The following IGF2BP2 variants were observed in gnomAD, a reference collection of about 807,000 sequenced individuals.
IGF2BP2 encodes the protein insulin-like growth factor 2 mRNA-binding protein 2.
In IGF2BP2, 17 loss-of-function variants were observed where a neutral mutation model predicts 75.8. The observed-to-expected ratio is 0.22, with a 90% CI of 0.15 to 0.34. The LOEUF is 0.34. Ranked by LOEUF, IGF2BP2 falls within the 10% of genes least tolerant of loss-of-function variation. The pLI is 1.00. For synonymous variants in IGF2BP2, 288 were observed against 295.6 expected, an observed-to-expected ratio of 0.97 and a Z score of 0.26; for missense variants, 516 against 772.4, an observed-to-expected ratio of 0.67 and a Z score of 3.93.
chr3:185,689,967 C>A (rs1356435665), intron 5 of IGF2BP2, among the ~76,000 whole-genome samples: 8 of 118,192 alleles, frequency 6.8e-5, no homozygotes, highest in East Asian at 2.4e-4. Flanking sequence ...GACTCCGTCT[C>A]AAAAAAAAAA....
At chr3:185,718,968 G>A (rs1726095188) in intron 2 of IGF2BP2, among the ~76,000 whole-genome samples, 2 of 152,180 alleles carry the variant, frequency 1.3e-5, no homozygotes, top group Non-Finnish European at 2.9e-5. Context: ...GGAAGCCACA[G>A]ACCCAAATCA....
intron 2 of IGF2BP2, among the ~76,000 whole-genome samples, chr3:185,753,894 CAAGATCTGGTTGTTTAA>C (rs1344308019): frequency 6.6e-6 from 1 of 152,022 alleles, no homozygotes; most frequent in Non-Finnish European, 1.5e-5. Flanking sequence ...TTAGTGCATG[CAAGATCTGGTTGTTTAA>C]AAGAGTCTGA....
chr3:185,731,885 G>C (rs1728238204), intron 2 of IGF2BP2, among the ~76,000 whole-genome samples: 1 of 152,090 alleles, frequency 6.6e-6, no homozygotes, highest in South Asian at 2.1e-4. Context: ...AGGAGGCTGA[G>C]GCAGGAGAAT....
At chr3:185,804,863 G>A (rs2149969605) in intron 2 of IGF2BP2, among the ~76,000 whole-genome samples, 1 of 151,346 alleles carries the variant, frequency 6.6e-6, no homozygotes, top group South Asian at 2.1e-4. Context: ...GTGGGTGGCG[G>A]GTGCCTGTAG....
At chr3:185,731,550 G>C (rs1008523687) in intron 2 of IGF2BP2, among the ~76,000 whole-genome samples, 1 of 152,038 alleles carries the variant, frequency 6.6e-6, no homozygotes, top group Non-Finnish European at 1.5e-5. Context: ...GCTGCACCAG[G>C]TCTGCATCAC....
At chr3:185,734,407 T>A (rs1405699325) in intron 2 of IGF2BP2, among the ~76,000 whole-genome samples, 1 of 152,220 alleles carries the variant, frequency 6.6e-6, no homozygotes, top group Non-Finnish European at 1.5e-5. Context: ...AAATCCTGTA[T>A]ACATTTTCCT....
intron 2 of IGF2BP2, among the ~76,000 whole-genome samples, chr3:185,699,275 A>G (rs1386609053): frequency 6.6e-6 from 1 of 152,310 alleles, no homozygotes; most frequent in Admixed American, 6.5e-5. Context: ...TTAAGTCATC[A>G]TACAGATTCT....
intron 14 of IGF2BP2, among the ~76,000 whole-genome samples, chr3:185,648,681 G>C (rs1287211566): frequency 6.6e-6 from 1 of 151,886 alleles, no homozygotes; most frequent in Non-Finnish European, 1.5e-5. Context: ...AACATACCTG[G>C]GTCTACAGAC....
chr3:185,769,555 G>A (rs1578243261), intron 2 of IGF2BP2, among the ~76,000 whole-genome samples: 1 of 151,996 alleles, frequency 6.6e-6, no homozygotes, highest in Non-Finnish European at 1.5e-5. Flanking sequence ...GATTAGAAAT[G>A]GCCTGGCACG....
intron 2 of IGF2BP2, among the ~76,000 whole-genome samples, chr3:185,794,656 TA>T (rs78028373): frequency 0.32 from 47,547 of 147,188 alleles, 8,045 homozygotes; most frequent in African/African-American, 0.44. Flanking sequence ...TTCATTGTGA[TA>T]AAAAAAAAAC....
chr3:185,787,047 G>A (rs529496802), intron 2 of IGF2BP2, among the ~76,000 whole-genome samples: 1 of 152,268 alleles, frequency 6.6e-6, no homozygotes, highest in East Asian at 1.9e-4. Context: ...TCCTGATCCA[G>A]AGGAATAATA....
At chr3:185,671,827 G>A (rs1008054920) in intron 10 of IGF2BP2, among the ~76,000 whole-genome samples, 1 of 152,132 alleles carries the variant, frequency 6.6e-6, no homozygotes, top group Non-Finnish European at 1.5e-5. Flanking sequence ...CATAAACATT[G>A]GGGGAAAGTT....
At chr3:185,767,715 A>C (rs994129101) in intron 2 of IGF2BP2, 1 of 154,138 alleles carries the variant, frequency 6.5e-6, no homozygotes, top group Non-Finnish European at 1.5e-5. Context: ...GAAATGAGGA[A>C]TACAATTCTG....
intron 2 of IGF2BP2, among the ~76,000 whole-genome samples, chr3:185,775,895 G>A (rs1219419622): frequency 1.3e-5 from 2 of 152,174 alleles, no homozygotes; most frequent in African/African-American, 4.8e-5. Flanking sequence ...ATATAAGCGT[G>A]AATAATAGGA....
intron 2 of IGF2BP2, chr3:185,724,991 C>T (rs1727109640): frequency 6.6e-6 from 1 of 152,246 alleles, no homozygotes; most frequent in Non-Finnish European, 1.5e-5. Flanking sequence ...GCAAGCAACA[C>T]ATGGAGAGGC....
chr3:185,703,813 C>T (rs1316862625), intron 2 of IGF2BP2, among the ~76,000 whole-genome samples: 1 of 152,052 alleles, frequency 6.6e-6, no homozygotes, highest in Non-Finnish European at 1.5e-5. Flanking sequence ...AAGCAAAACA[C>T]CTGCTTTGGT....
intron 13 of IGF2BP2, 130 bp from the exon 14 acceptor site, chr3:185,649,664 G>C (rs1577797981): frequency 2.4e-6 from 3 of 1,256,984 alleles, no homozygotes; most frequent in East Asian, 2.4e-5. Context: ...GGACACACAG[G>C]AAGCTGCGTG....
At chr3:185,683,915 C>T (rs1207143825) in intron 7 of IGF2BP2, among the ~76,000 whole-genome samples, 2 of 152,182 alleles carry the variant, frequency 1.3e-5, no homozygotes, top group Admixed American at 1.3e-4. Flanking sequence ...TTCTGGGTCT[C>T]TGGGCCCATG....
At chr3:185,726,254 GGGTCAGAGGAGGAATGGACCCAC>G (rs1380987145) in intron 2 of IGF2BP2, among the ~76,000 whole-genome samples, 3 of 152,158 alleles carry the variant, frequency 2.0e-5, no homozygotes, top group Admixed American at 6.5e-5. Context: ...AATGGACCCA[GGGTCAGAGGAGGAATGGACCCAC>G]GGTCAGAGGA....
Sources: allele counts gnomAD v4.1 joint callset (sites outside exome capture counted in the v4.1 genomes callset), GRCh38; gene constraint gnomAD v4.1.1; transcripts MANE v1.5; gene names NCBI Gene and HGNC (gene_info 2026-07-23, HGNC 2026-07-21).